HCN3: variants seen among roughly 807,000 people sequenced by gnomAD.
HCN3 encodes the protein hyperpolarization activated cyclic nucleotide gated potassium channel 3.
Under a neutral mutation model 56.8 loss-of-function variants are expected in HCN3, and 36 were observed. The observed-to-expected ratio is 0.63, with a 90% confidence interval of 0.49 to 0.84. The LOEUF (loss-of-function observed/expected upper bound fraction) is 0.84, where lower values mean the gene tolerates loss of function less well. HCN3 is among the 40% of genes least tolerant of loss of function. The probability of loss-of-function intolerance (pLI) is 0.00; values close to 1 mark genes in which losing one functional copy is unlikely to be tolerated. For synonymous variants in HCN3, 425 were observed against 439.7 expected (o/e 0.97, Z 0.42); for missense variants, 930 against 1,079.3 (o/e 0.86, Z 1.94).
At chr1:155,283,641 A>C (rs1477249262) in intron 2 of HCN3, among the ~76,000 whole-genome samples, 1 of 146,814 alleles carries the variant, frequency 6.8e-6, no homozygotes, top group Non-Finnish European at 1.5e-5. Context: ...GAGACATTAC[A>C]CTGTGAAATG....
chr1:155,282,632 G>C lies in HCN3; in HGVS notation c.500G>C (p.Arg167Pro). 6.2e-7 allele frequency: 1 copy of C among 1,614,236 alleles called. No individual in the cohort carries two copies. The highest frequency in any genetic ancestry group is 8.5e-7 in the Non-Finnish European group (1 of 1,180,040). ...CTGGCACCGCGGGCCATCCGCACGC[G>C]CTACCTGCGCACCTGGTTCCTGGTT... ...ILLAPRAIRT[R>P]YLRTWFLVDL... is the part of the protein sequence containing the mutation. Residue 167 changes from arginine to proline, a missense_variant, in exon 2 of 8, where the codon CGC becomes CCC. Coordinates refer to ENST00000368358, the MANE Select transcript of HCN3 (RefSeq NM_020897.3). The surrounding 1 kb of genome is among the most constrained non-coding windows in gnomAD (Gnocchi z 4.7).
At position 155,277,607 on chromosome 1, in the gene HCN3, G is replaced by T; in HGVS notation, c.17G>T (p.Arg6Leu). The T allele has an allele frequency of 6.4e-7, 1 of 1,558,748 alleles. No individual in the cohort carries two copies. Among genetic ancestry groups the T allele is most frequent in the Non-Finnish European group, 8.7e-7 (1 of 1,152,642 alleles). MEAEQ[R>L]PAAGASEGAT... ...GTGGGCGCCATGGAGGCAGAGCAGC[G>T]GCCGGCGGCGGGGGCCAGCGAAGGG... The change falls in exon 1 of 8, where the codon CGG (arginine) becomes CTG (leucine). Residue 6 changes from arginine (R) to leucine (L), a missense_variant. Transcript: ENST00000368358.
chr1:155,287,376 G>T, intron 7 of HCN3, 39 bp downstream of exon 7: 1 of 1,608,254 alleles, frequency 6.2e-7, no homozygotes, highest in Non-Finnish European at 8.5e-7. Flanking sequence ...GGTCCAGACT[G>T]TGCTCTCACC....
chr1:155,280,459 C>G (rs375233802), intron 1 of HCN3, among the ~76,000 whole-genome samples: 10 of 136,972 alleles, frequency 7.3e-5, no homozygotes, highest in Non-Finnish European at 7.9e-5. Flanking sequence ...TTTTTTGAGA[C>G]GGAGTCTCGC....
In HCN3 at chr1:155,285,311, G is replaced by A; in HGVS notation, c.1236G>A (p.Glu412=). The stretch of plus-strand genomic sequence containing the variant: ...GCGAGCTGAGCGAGCCGCTTCGCGA[G>A]GTGGGGCTGGGTTGGGCCTGGAAGG... ...ILGELSEPLR[E]EIINFTCRGL... The change falls in exon 5 of 8, where the codon GAG becomes GAA. Residue 412 remains glutamate, a splice_region_variant and synonymous_variant. Coordinates refer to ENST00000368358, the MANE Select transcript of HCN3 (RefSeq NM_020897.3). This position sits in a 1 kb window ranked among gnomAD's most constrained non-coding sequence, Gnocchi z 4.5. 6.2e-7 allele frequency: 1 copy of A among 1,613,908 alleles called. No homozygotes were observed. Among genetic ancestry groups the A allele is most frequent in the Non-Finnish European group, 8.5e-7 (1 of 1,179,810 alleles).
chr1:155,287,292 C>G lies in HCN3; in HGVS notation c.1597C>G (p.Arg533Gly). 1 of 1,614,016 alleles carries G rather than the reference C, an allele frequency of 6.2e-7. No homozygotes were observed. The highest frequency in any genetic ancestry group is 8.5e-7 in the Non-Finnish European group (1 of 1,179,936). The change falls in exon 7 of 8, where the codon CGC becomes GGC. Residue 533 changes from arginine to glycine, a missense_variant. Arg to Gly is a moderately radical substitution (Grantham distance 125, BLOSUM62 -2). Coordinates refer to ENST00000368358, the MANE Select transcript of HCN3 (RefSeq NM_020897.3). ...TGTGCTTGAGGAGTTCCCCATGATG[C>G]GCCGGGCCTTTGAGACTGTGGCCAT... The part of the protein sequence containing the change: ...NAVLEEFPMM[R>G]RAFETVAMDR...
At position 155,281,833 on chromosome 1, in the gene HCN3, A is replaced by G. The variant is rs375681481; in HGVS notation, c.279-578A>G. Among the ~76,000 whole-genome samples the G allele has an allele frequency of 4.1e-4, 62 of 151,786 alleles. 1 individual carries two copies. The highest frequency in any genetic ancestry group is 1.5e-3 in the African/African-American group (61 of 41,350). ...GGTCTCGCTCTGTCAGTCAGGCTGGAGTACACCTCAGCCTCCTGAGTAGCT... is the reference window on the plus strand; with the variant it reads ...GGTCTCGCTCTGTCAGTCAGGCTGGGGTACACCTCAGCCTCCTGAGTAGCT... On this transcript the variant is annotated intron_variant, in intron 1 of 7. Coordinates refer to ENST00000368358, the MANE Select transcript of HCN3 (RefSeq NM_020897.3).
In HCN3 at chr1:155,277,606, C is replaced by G. The variant is rs751018628; in HGVS notation, c.16C>G (p.Arg6Gly). 37 of 1,558,154 alleles carry G rather than the reference C, an allele frequency of 2.4e-5. No individual in the cohort carries two copies. Among genetic ancestry groups the G allele is most frequent in the Non-Finnish European group, 3.0e-5 (35 of 1,152,400 alleles). ...GGTGGGCGCCATGGAGGCAGAGCAGCGGCCGGCGGCGGGGGCCAGCGAAGG... is the reference window on the plus strand; with the variant it reads ...GGTGGGCGCCATGGAGGCAGAGCAGGGGCCGGCGGCGGGGGCCAGCGAAGG... MEAEQ[R>G]PAAGASEGAT... Residue 6 changes from arginine (R) to glycine (G), a missense_variant, in exon 1 of 8, where the codon CGG (arginine) becomes GGG (glycine). Arg to Gly is a moderately radical substitution (Grantham distance 125). Coordinates refer to ENST00000368358, the MANE Select transcript of HCN3 (RefSeq NM_020897.3).
chr1:155,277,610 C>A lies in HCN3; in HGVS notation c.20C>A (p.Pro7Gln). 1.3e-6 allele frequency: 2 copies of A among 1,558,758 alleles called. No individual in the cohort carries two copies. Among genetic ancestry groups the A allele is most frequent in the African/African-American group, 1.4e-5 (1 of 73,992 alleles). The change falls in exon 1 of 8, where the codon CCG becomes CAG. Residue 7 changes from proline to glutamine, a missense_variant. Pro to Gln is a moderately conservative substitution (Grantham distance 76, BLOSUM62 -1). Transcript: ENST00000368358. ...GGCGCCATGGAGGCAGAGCAGCGGC[C>A]GGCGGCGGGGGCCAGCGAAGGGGCG... The part of the protein sequence containing the change: MEAEQR[P>Q]AAGASEGATP...
In HCN3 at chr1:155,280,738, A is replaced by ATTTTTT. The variant is rs34480594; in HGVS notation, c.279-1645_279-1640dup. Among the ~76,000 whole-genome samples the ATTTTTT allele has an allele frequency of 1.1e-3, 37 of 34,564 alleles. 3 individuals are homozygous for ATTTTTT. Among genetic ancestry groups the ATTTTTT allele is most frequent in the African/African-American group, 4.3e-3 (31 of 7,216 alleles). The allele number at this position is 34,564 out of a possible 152,430, so 22.7% of individuals were successfully genotyped here. ...CAGGCGTGAGCCACCACGCCCAGCT[A>ATTTTTT]TTTTTTTTTTTTTTTTTTTTTTTTT... On this transcript the variant is annotated intron_variant, in intron 1 of 7. Transcript: ENST00000368358.
In HCN3 at chr1:155,284,419, C is replaced by T; in HGVS notation, c.871-120C>T. 8.7e-7 allele frequency: 1 copy of T among 1,154,472 alleles called. No individual in the cohort carries two copies. The highest frequency in any genetic ancestry group is 1.2e-6 in the Non-Finnish European group (1 of 834,880). 71.5% of individuals were successfully genotyped at this position (1,154,472 alleles called of 1,614,324 possible). ...CCCCAGAACCAAACTTAAGTGCCTG[C>T]CAGGAGGAAGGCCTGCAGTAGAAGG... On this transcript the variant is annotated intron_variant, in intron 3 of 7. Transcript: ENST00000368358. This position sits in a 1 kb window ranked among gnomAD's most constrained non-coding sequence, Gnocchi z 4.3.
At chr1:155,279,320 C>T (rs1163919255) in intron 1 of HCN3, among the ~76,000 whole-genome samples, 2 of 152,218 alleles carry the variant, frequency 1.3e-5, no homozygotes, top group African/African-American at 4.8e-5. Context: ...CTTCTTTCCA[C>T]GGTGTCTGCC....
chr1:155,283,018 G>A (rs1465443509), intron 2 of HCN3, among the ~76,000 whole-genome samples, 178 bp downstream of exon 2: 2 of 152,132 alleles, frequency 1.3e-5, no homozygotes, highest in Admixed American at 6.6e-5. Context: ...TGGTGGGGGA[G>A]AAGCAGGAAC....
In HCN3 at chr1:155,285,109, C is replaced by T. The variant is rs1446738510; in HGVS notation, c.1090-56C>T. 12 of 1,590,822 alleles carry T rather than the reference C, an allele frequency of 7.5e-6. No individual in the cohort carries two copies. The highest frequency in any genetic ancestry group is 1.7e-5 in the Admixed American group (1 of 58,098). On this transcript the variant is annotated intron_variant, in intron 4 of 7. Transcript: ENST00000368358. This position sits in a 1 kb window ranked among gnomAD's most constrained non-coding sequence, Gnocchi z 4.5. ...CTTCCGCACACACACCCCACTGTGC[C>T]GGCCCCAAATCTCTCCCTCTGTCCT... is the stretch of plus-strand genomic sequence containing the variant.
intron 1 of HCN3, among the ~76,000 whole-genome samples, chr1:155,279,599 G>A (rs1455281851): frequency 4.6e-5 from 7 of 152,194 alleles, no homozygotes; most frequent in Admixed American, 1.3e-4. Flanking sequence ...AACAGGATCC[G>A]TGGGTCCAAC....
intron 1 of HCN3, among the ~76,000 whole-genome samples, chr1:155,279,815 A>C (rs901890309): frequency 1.3e-5 from 2 of 152,164 alleles, no homozygotes; most frequent in Non-Finnish European, 2.9e-5. Flanking sequence ...CAATGCTGTG[A>C]GATTAGCACA....
intron 1 of HCN3, among the ~76,000 whole-genome samples, chr1:155,280,823 C>T (rs1383718699): frequency 1.5e-5 from 2 of 129,530 alleles, no homozygotes; most frequent in Admixed American, 8.7e-5. Flanking sequence ...GGCGCAATCT[C>T]GGCTCATGGC....
intron 6 of HCN3, 141 bp downstream of exon 6, chr1:155,286,105 T>A: frequency 8.2e-7 from 1 of 1,224,442 alleles, no homozygotes; most frequent in Non-Finnish European, 1.1e-6. Context: ...AGTGAGAATC[T>A]CTGGGCTGGG....
Position 155,277,818 on chromosome 1 carries a change from G to A in HCN3, c.228G>A (p.Glu76=). The change falls in exon 1 of 8, where the codon GAG becomes GAA. Residue 76 remains glutamate, a synonymous_variant. Transcript: ENST00000368358. ...GSHKAVEIEQ[E]RVKSAGAWII... is the part of the protein sequence containing the mutation. ...ACAAAGCAGTGGAAATCGAGCAGGA[G>A]CGGGTGAAGTCAGCGGGGGCCTGGA... 6.2e-7 allele frequency: 1 copy of A among 1,612,512 alleles called. No individual in the cohort carries two copies. Among genetic ancestry groups the A allele is most frequent in the Non-Finnish European group, 8.5e-7 (1 of 1,179,958 alleles).
Sources: gnomAD v4.1 joint callset for allele counts (sites outside exome capture counted in the v4.1 genomes callset) on GRCh38, gnomAD v4.1.1 for gene constraint, Gnocchi (gnomAD v3.1) non-coding constraint, MANE v1.5 for transcripts, NCBI Gene and HGNC (gene_info 2026-07-23, HGNC 2026-07-21) for gene names.